The following PDPR variants were observed in gnomAD, a reference collection of about 807,000 sequenced individuals.
PDPR encodes the protein pyruvate dehydrogenase phosphatase regulatory subunit, mitochondrial.
A neutral mutation model predicts 102.2 loss-of-function variants in PDPR; 50 were observed. That is an observed-to-expected ratio of 0.49 (90% confidence interval 0.39 to 0.62). PDPR has a LOEUF of 0.62. PDPR is among the 20% of genes least tolerant of loss of function. The pLI, the probability that PDPR is intolerant of heterozygous loss-of-function variation, is 0.00. For synonymous variants in PDPR, 259 were observed against 406.0 expected, an observed-to-expected ratio of 0.64 and a Z score of 4.35; for missense variants, 625 against 1,098.2, an observed-to-expected ratio of 0.57 and a Z score of 6.09.
At chr16:70,129,809 G>A (rs1964355769) in intron 6 of PDPR, among the ~76,000 whole-genome samples, 1 of 152,260 alleles carries the variant, frequency 6.6e-6, no homozygotes, top group Non-Finnish European at 1.5e-5. Context: ...TCATATCCAT[G>A]GTATGAGCAG....
At chr16:70,162,615 G>C (rs1967896610), downstream of PDPR, 1 of 152,694 alleles carries the variant, frequency 6.5e-6, no homozygotes, top group African/African-American at 2.4e-5. Flanking sequence ...GCGTGCAGAG[G>C]AGAGTGTGTA....
At chr16:70,162,737 C>T (rs754770719), downstream of PDPR, among the ~76,000 whole-genome samples, 18 of 152,268 alleles carry the variant, frequency 1.2e-4, no homozygotes, top group Non-Finnish European at 2.4e-4. Context: ...AAAAGCTTCC[C>T]GCCTCCTGAA....
Position 70,157,645 on chromosome 16 carries a change from TTGAAAG to T in PDPR, c.*767_*772del, listed in dbSNP as rs1266684278. ...TGAGTAAACAAGTAAGCCACAGTGT[TTGAAAG>T]GGAAAAACCATATTGCCTTGTGTGT... On this transcript the variant is annotated 3_prime_UTR_variant, in exon 19 of 19. Coordinates refer to ENST00000288050, the MANE Select transcript of PDPR (RefSeq NM_017990.5). 3 of 170,214 alleles carry T rather than the reference TTGAAAG, an allele frequency of 1.8e-5. No homozygotes were observed. Among genetic ancestry groups the T allele is most frequent in the Non-Finnish European group, 3.8e-5 (3 of 78,674 alleles). 10.5% of individuals were successfully genotyped at this position (170,214 alleles called of 1,614,324 possible). A position where few individuals can be genotyped will look rare whatever the true frequency, so the allele number is the denominator to read the frequency against.
At chr16:70,134,148 T>C (rs1964852545) in intron 9 of PDPR, among the ~76,000 whole-genome samples, 1 of 151,568 alleles carries the variant, frequency 6.6e-6, no homozygotes, top group Non-Finnish European at 1.5e-5. Context: ...CAGAATTGTT[T>C]TGTTTTGTTT....
rs207476140 is a variant in PDPR at position 70,120,680 on chromosome 16, A to G, written c.188A>G (p.Lys63Arg). Residue 63 changes from lysine to arginine, a missense_variant, in exon 3 of 19, where the codon AAA (lysine) becomes AGA (arginine). This residue lies in a region of PDPR where 84 missense variants were observed against 87.7 expected (regional missense o/e 0.96). Coordinates refer to ENST00000288050, the MANE Select transcript of PDPR (RefSeq NM_017990.5). ...TGTSVAYHLS[K>R]MGWKDIVLLE... ...ACTTCTGTGGCCTATCACCTCTCCA[A>G]AATGGGGTGGAAGGATATTGTCCTT... The G allele has an allele frequency of 4.3e-6, 7 of 1,613,662 alleles. No individual in the cohort carries two copies. The highest frequency in any genetic ancestry group is 2.2e-5 in the East Asian group (1 of 44,874).
In PDPR at chr16:70,136,394, T is replaced by A. The variant is rs780405155; in HGVS notation, c.1190+8T>A. The A allele has an allele frequency of 6.3e-7, 1 of 1,584,468 alleles. No homozygotes were observed. The highest frequency in any genetic ancestry group is 1.1e-5 in the South Asian group (1 of 87,814). On this transcript the variant is annotated splice_region_variant and intron_variant, in intron 10 of 18. Transcript: ENST00000288050. ...TGGTGGAGGAGCCGGAAAGTAAGTC[T>A]TTCTCACTCAAAGTCAGCTGTGAAC...
chr16:70,155,756 A>G (rs1442562983), intron 18 of PDPR, among the ~76,000 whole-genome samples: 1 of 151,638 alleles, frequency 6.6e-6, no homozygotes, highest in Non-Finnish European at 1.5e-5. Flanking sequence ...GTGTGTATGC[A>G]TTGAATATAG....
Position 70,161,206 on chromosome 16 carries a change from A to T in PDPR, c.*4327A>T, listed in dbSNP as rs1399540861. 6.6e-6 allele frequency: 1 copy of T among 151,950 alleles called. No individual in the cohort carries two copies. The highest frequency in any genetic ancestry group is 2.0e-4 in the East Asian group (1 of 5,072). The allele number at this position is 151,950 out of a possible 1,614,324, so 9.4% of individuals were successfully genotyped here. On this transcript the variant is annotated 3_prime_UTR_variant, in exon 19 of 19. Coordinates refer to ENST00000288050, the MANE Select transcript of PDPR (RefSeq NM_017990.5). ...TGAGGTGGGAGAATTGCTTGAACCCAGGAGGCAGAGGTTGCAGTGAGCTGA... is the reference window on the plus strand; with the variant it reads ...TGAGGTGGGAGAATTGCTTGAACCCTGGAGGCAGAGGTTGCAGTGAGCTGA...
chr16:70,150,248 C>T (rs535183572), intron 17 of PDPR, among the ~76,000 whole-genome samples: 74 of 152,206 alleles, frequency 4.9e-4, no homozygotes, highest in Admixed American at 2.0e-3. Flanking sequence ...GGATTACAGG[C>T]GCCTGCCACC....
At chr16:70,153,980 T>C (rs369105535) in intron 18 of PDPR, among the ~76,000 whole-genome samples, 5 of 152,180 alleles carry the variant, frequency 3.3e-5, no homozygotes, top group African/African-American at 9.6e-5. Context: ...GAGATCGAGA[T>C]CATCCTAGCT....
intron 17 of PDPR, among the ~76,000 whole-genome samples, chr16:70,152,940 G>A (rs1966840624): frequency 6.6e-6 from 1 of 152,300 alleles, no homozygotes; most frequent in African/African-American, 2.4e-5. Flanking sequence ...ACGTGTGAGA[G>A]CTGGGCCTCA....
chr16:70,156,891 C>A lies in PDPR; in HGVS notation c.*12C>A, dbSNP rs371532098. On this transcript the variant is annotated 3_prime_UTR_variant, in exon 19 of 19. Coordinates refer to ENST00000288050, the MANE Select transcript of PDPR (RefSeq NM_017990.5). Reference sequence around the variant, plus strand: ...TACATGGGAAGTGATGCCACCAGGGCAGCCTCACCTCCTCCCCATCATCTT... The same window carrying A: ...TACATGGGAAGTGATGCCACCAGGGAAGCCTCACCTCCTCCCCATCATCTT... The A allele has an allele frequency of 6.2e-7, 1 of 1,611,124 alleles. No individual in the cohort carries two copies. Among genetic ancestry groups the A allele is most frequent in the Non-Finnish European group, 8.5e-7 (1 of 1,178,620 alleles).
At chr16:70,128,696 G>A (rs1489879180) in intron 4 of PDPR, 88 bp from the exon 5 acceptor site, 3 of 1,602,896 alleles carry the variant, frequency 1.9e-6, no homozygotes, top group Admixed American at 3.5e-5. Context: ...TTCATCACAG[G>A]TCTTCTAACC....
chr16:70,154,137 C>CAG (rs1966871002), intron 18 of PDPR, among the ~76,000 whole-genome samples: 1 of 152,170 alleles, frequency 6.6e-6, no homozygotes, highest in Non-Finnish European at 1.5e-5. Context: ...GCCTGGGCGA[C>CAG]AGAGCGAGAC....
intron 10 of PDPR, among the ~76,000 whole-genome samples, chr16:70,137,160 G>A (rs1240848601): frequency 5.9e-5 from 9 of 152,204 alleles, no homozygotes; most frequent in Non-Finnish European, 2.9e-5. Context: ...AGACCACTCT[G>A]GCTAACACAG....
In PDPR at chr16:70,157,332, C is replaced by A. The variant is rs1967332359; in HGVS notation, c.*453C>A. 2.5e-6 allele frequency: 1 copy of A among 396,086 alleles called. No individual in the cohort carries two copies. The highest frequency in any genetic ancestry group is 5.0e-6 in the Non-Finnish European group (1 of 201,206). The allele number at this position is 396,086 out of a possible 1,614,324, so 24.5% of individuals were successfully genotyped here. A position where few individuals can be genotyped will look rare whatever the true frequency, so the allele number is the denominator to read the frequency against. On this transcript the variant is annotated 3_prime_UTR_variant, in exon 19 of 19. Transcript: ENST00000288050. ...TGGTGGGGTTGCCGTGTGTCGGATG[C>A]AGCCCTGAGGGGCAGCTCGTGCCTG...
intron 10 of PDPR, among the ~76,000 whole-genome samples, chr16:70,138,363 C>T (rs542577705): frequency 3.3e-5 from 5 of 152,276 alleles, no homozygotes; most frequent in East Asian, 1.9e-4. Context: ...GGATTACAGG[C>T]GTGTGCCACC....
chr16:70,146,863 T>TAAA (rs1966277149), intron 16 of PDPR, among the ~76,000 whole-genome samples: 1 of 70,512 alleles, frequency 1.4e-5, no homozygotes, highest in East Asian at 4.5e-4. Flanking sequence ...CAAGACTGTC[T>TAAA]CAAAAAAAAA....
Position 70,160,852 on chromosome 16 carries a change from C to T in PDPR, c.*3973C>T, listed in dbSNP as rs914275258. On this transcript the variant is annotated 3_prime_UTR_variant, in exon 19 of 19. Transcript: ENST00000288050. ...GTTCAGTGTTTCACTGAAGACAGGA[C>T]CCATAGCCTTCATTTCTGGCTCTGT... 7 of 152,420 alleles carry T rather than the reference C, an allele frequency of 4.6e-5. No homozygotes were observed. Among genetic ancestry groups the T allele is most frequent in the African/African-American group, 1.7e-4 (7 of 41,470 alleles). The allele number at this position is 152,420 out of a possible 1,614,324, so 9.4% of individuals were successfully genotyped here.
Sources: allele counts gnomAD v4.1 joint callset (sites outside exome capture counted in the v4.1 genomes callset), GRCh38; gene constraint gnomAD v4.1.1; regional missense constraint gnomAD v4.1.1; transcripts MANE v1.5; gene names NCBI Gene and HGNC (gene_info 2026-07-23, HGNC 2026-07-21).